PUM1: variants seen among roughly 807,000 people sequenced by gnomAD.
The protein encoded by PUM1 is pumilio RNA binding family member 1.
In PUM1, 13 loss-of-function variants were observed where a neutral mutation model predicts 131.8. The ratio of observed to expected loss-of-function variants is 0.10; its 90% CI spans 0.06 to 0.16. PUM1 has a LOEUF of 0.16. Among genes scored for constraint, PUM1 ranks in the 10% least tolerant of loss-of-function variants. The pLI is 1.00. For synonymous variants in PUM1, 509 were observed against 556.5 expected (o/e 0.91, Z 1.20); for missense variants, 961 against 1,512.4 (o/e 0.64, Z 6.05).
At chr1:30,941,074 A>T in intron 20 of PUM1, 77 bp downstream of exon 20, 2 of 1,426,152 alleles carry the variant, frequency 1.4e-6, no homozygotes, top group Non-Finnish European at 1.9e-6. Context: ...CAACAACATT[A>T]AAAAATAAGA....
rs1167387505 is a variant in PUM1, at chr1:30,968,468, G to A, written c.1531C>T (p.Arg511Cys). 6 of 1,590,402 alleles carry A rather than the reference G, an allele frequency of 3.8e-6. No homozygotes were observed. In the Admixed American group the frequency reaches 9.7e-5, roughly 26 times the overall value. ...TGGTTCTGGTTTGGGGTCAAAGGAC[G>A]TTGGCTGGCTCCTCCACGGAGAACC... ...QQVLRGGASQ[R>C]PLTPNQNQQG... Residue 511 changes from arginine to cysteine, a missense_variant, in exon 11 of 22, where the codon CGT (arginine) becomes TGT (cysteine). Physicochemically the swap from Arg to Cys is radical, Grantham distance 180 (BLOSUM62 -3). Coordinates refer to ENST00000426105, the MANE Select transcript of PUM1 (RefSeq NM_001020658.2).
At chr1:31,065,566 C>T in intron 1 of PUM1, 50 bp downstream of exon 1, 2 of 1,535,680 alleles carry the variant, frequency 1.3e-6, no homozygotes, top group African/African-American at 1.4e-5. Context: ...ACAATCTGCT[C>T]GTTAGGGGTC....
At chr1:30,970,758 G>A (rs2124449390) in intron 10 of PUM1, among the ~76,000 whole-genome samples, 1 of 152,232 alleles carries the variant, frequency 6.6e-6, no homozygotes, top group Middle Eastern at 3.4e-3. Flanking sequence ...TCTAGGATAA[G>A]TAAATAGCAA....
intron 14 of PUM1, among the ~76,000 whole-genome samples, chr1:30,959,675 AG>A (rs1174998852): frequency 2.6e-5 from 4 of 152,178 alleles, no homozygotes; most frequent in Non-Finnish European, 5.9e-5. Flanking sequence ...TGGGAGGCCA[AG>A]GCAGGCAGAT....
At chr1:30,960,416 A>G (rs1557555524) in intron 14 of PUM1, among the ~76,000 whole-genome samples, 1 of 152,222 alleles carries the variant, frequency 6.6e-6, no homozygotes, top group Non-Finnish European at 1.5e-5. Context: ...CAGTGCAATC[A>G]GACAAGAAAA....
At chr1:31,029,633 T>C (rs543024396) in intron 2 of PUM1, among the ~76,000 whole-genome samples, 2 of 152,350 alleles carry the variant, frequency 1.3e-5, no homozygotes, top group South Asian at 2.1e-4. Context: ...GCAGCAAGCA[T>C]GTCTCTGCTG....
chr1:31,023,360 T>C (rs1209827400), intron 3 of PUM1, among the ~76,000 whole-genome samples: 2 of 152,196 alleles, frequency 1.3e-5, no homozygotes, highest in Non-Finnish European at 2.9e-5. Context: ...TGTGCTGCTT[T>C]TATGGCACCC....
chr1:31,041,112 C>G (rs1304465886), intron 2 of PUM1, among the ~76,000 whole-genome samples: 4 of 152,156 alleles, frequency 2.6e-5, no homozygotes, highest in African/African-American at 9.7e-5. Flanking sequence ...TAGCTCCTAA[C>G]ATGCCACAAA....
Position 30,931,807 on chromosome 1 carries a change from C to T in PUM1, c.*1404G>A, listed in dbSNP as rs760552799. On this transcript the variant is annotated 3_prime_UTR_variant, in exon 22 of 22. Coordinates refer to ENST00000426105, the MANE Select transcript of PUM1 (RefSeq NM_001020658.2). Reference sequence around the variant, plus strand: ...TCATCTTCTGTACAAAAGGGAAGGGCGATTCACACTTTACAAGGTGAGAGG... The same window carrying T: ...TCATCTTCTGTACAAAAGGGAAGGGTGATTCACACTTTACAAGGTGAGAGG... 2.0e-5 allele frequency: 3 copies of T among 152,492 alleles called. No individual in the cohort carries two copies. Among genetic ancestry groups the T allele is most frequent in the Non-Finnish European group, 4.4e-5 (3 of 68,024 alleles). 9.4% of individuals were successfully genotyped at this position (152,492 alleles called of 1,614,324 possible).
chr1:30,994,928 C>T, intron 6 of PUM1, 126 bp downstream of exon 6: 1 of 1,036,558 alleles, frequency 9.6e-7, no homozygotes, highest in South Asian at 1.6e-5. Context: ...ATAGCCTACA[C>T]TAGATTGGAT....
At chr1:31,051,222 A>C (rs1401236723) in intron 2 of PUM1, among the ~76,000 whole-genome samples, 1 of 151,944 alleles carries the variant, frequency 6.6e-6, no homozygotes, top group Non-Finnish European at 1.5e-5. Flanking sequence ...GGTGGGTATC[A>C]GAATATCATT....
intron 3 of PUM1, among the ~76,000 whole-genome samples, chr1:31,014,467 C>T (rs1391656681): frequency 6.6e-6 from 1 of 151,310 alleles, no homozygotes; most frequent in East Asian, 1.9e-4. Flanking sequence ...TGCCAAGACC[C>T]AATCTCTATT....
intron 15 of PUM1, 117 bp from the exon 16 acceptor site, chr1:30,952,480 A>T: frequency 7.1e-7 from 1 of 1,415,320 alleles, no homozygotes; most frequent in East Asian, 2.4e-5. Flanking sequence ...GCATGTGTGC[A>T]CACACATGCA....
intron 5 of PUM1, among the ~76,000 whole-genome samples, chr1:31,005,250 T>C (rs1642358272): frequency 6.6e-6 from 1 of 152,224 alleles, no homozygotes; most frequent in Non-Finnish European, 1.5e-5. Context: ...GACTTCAGTT[T>C]AGCATCAGAG....
intron 19 of PUM1, chr1:30,941,792 C>A (rs933041339): frequency 2.1e-6 from 1 of 476,522 alleles, no homozygotes; most frequent in Non-Finnish European, 4.0e-6. Context: ...GAAGTCAGAT[C>A]TCCTGACTCC....
intron 4 of PUM1, among the ~76,000 whole-genome samples, chr1:31,006,486 C>T (rs1164009608): frequency 3.9e-5 from 6 of 152,172 alleles, no homozygotes; most frequent in Non-Finnish European, 8.8e-5. Flanking sequence ...TCCTTCCTCC[C>T]TATCATCTGT....
intron 5 of PUM1, among the ~76,000 whole-genome samples, chr1:30,997,956 T>C (rs16834158): frequency 0.012 from 1,743 of 149,854 alleles, 20 homozygotes; most frequent in Admixed American, 0.018. Flanking sequence ...TTTTCAAATA[T>C]TTCCCTGCAA....
At chr1:31,037,660 T>C (rs1396688874) in intron 2 of PUM1, among the ~76,000 whole-genome samples, 1 of 151,338 alleles carries the variant, frequency 6.6e-6, no homozygotes, top group Non-Finnish European at 1.5e-5. Flanking sequence ...GCGGCCAAGA[T>C]TGCACCACTG....
At chr1:31,012,545 T>C (rs1029818107) in intron 3 of PUM1, among the ~76,000 whole-genome samples, 14 of 78,644 alleles carry the variant, frequency 1.8e-4, no homozygotes, top group Non-Finnish European at 2.7e-4. Flanking sequence ...AAAAAACTTA[T>C]GAAAAGTAAA....
Sources: allele counts gnomAD v4.1 joint callset (sites outside exome capture counted in the v4.1 genomes callset), GRCh38; gene constraint gnomAD v4.1.1; transcripts MANE v1.5; gene names NCBI Gene and HGNC (gene_info 2026-07-23, HGNC 2026-07-21).